CYP7B1: variants seen among roughly 807,000 people sequenced by gnomAD.
CYP7B1 encodes the protein cytochrome P450 family 7 subfamily B member 1.
CYP7B1 carries 29 observed loss-of-function variants against 42.7 expected under a neutral mutation model. The observed-to-expected ratio is 0.68, with a 90% CI of 0.51 to 0.93. CYP7B1 has a LOEUF of 0.93. Among genes scored for constraint, CYP7B1 ranks in the 40% least tolerant of loss-of-function variants. CYP7B1 has a pLI of 0.00. For synonymous variants in CYP7B1, 235 were observed against 218.2 expected, an observed-to-expected ratio of 1.08 and a Z score of -0.68; for missense variants, 655 against 600.5, an observed-to-expected ratio of 1.09 and a Z score of -0.95.
intron 1 of CYP7B1, among the ~76,000 whole-genome samples, chr8:64,701,342 T>C (rs556242068): frequency 4.3e-4 from 66 of 152,218 alleles, no homozygotes; most frequent in African/African-American, 1.6e-3. Flanking sequence ...GGAACCACAC[T>C]GCCAGGTATA....
At chr8:64,694,927 T>C (rs1232307909) in intron 1 of CYP7B1, among the ~76,000 whole-genome samples, 1 of 152,232 alleles carries the variant, frequency 6.6e-6, no homozygotes, top group Non-Finnish European at 1.5e-5. Flanking sequence ...TTGCCCGTTC[T>C]GTCCTGACTT....
chr8:64,663,061 T>G (rs1461573815), intron 1 of CYP7B1, among the ~76,000 whole-genome samples: 2 of 152,244 alleles, frequency 1.3e-5, no homozygotes, highest in African/African-American at 4.8e-5. Context: ...TCTTGTTTAC[T>G]TAGCAAGCTT....
intron 1 of CYP7B1, among the ~76,000 whole-genome samples, chr8:64,634,206 T>C (rs538279887): frequency 6.6e-6 from 1 of 152,298 alleles, no homozygotes; most frequent in East Asian, 1.9e-4. Context: ...GTATTAATAA[T>C]AACATTTTGA....
rs1805052325 is a variant in CYP7B1, at chr8:64,592,544, C to T, written c.*4098G>A. Among the ~76,000 whole-genome samples, 1 of 152,134 alleles carries T rather than the reference C, an allele frequency of 6.6e-6. No homozygotes were observed. On this transcript the variant is annotated 3_prime_UTR_variant, in exon 6 of 6. Transcript: ENST00000310193. ...TGTCTAGCATCAATCATATCTAGAA[C>T]AGAGAAAATGCTCAATGAATGTTTG...
chr8:64,616,135 C>T lies in CYP7B1; in HGVS notation c.406G>A (p.Asp136Asn). 6.2e-7 allele frequency: 1 copy of T among 1,613,638 alleles called. No individual in the cohort carries two copies. The highest frequency in any genetic ancestry group is 8.5e-7 in the Non-Finnish European group (1 of 1,179,778). The change falls in exon 3 of 6, where the codon GAT (aspartate) becomes AAT (asparagine). Residue 136 changes from aspartate (D) to asparagine (N), a missense_variant. By Grantham distance (23) the Asp-to-Asn change is conservative. Coordinates refer to ENST00000310193, the MANE Select transcript of CYP7B1 (RefSeq NM_004820.5). ...SQLQKNHDMNDELHLCYQFLQ... is the reference protein window; with the variant it reads ...SQLQKNHDMNNELHLCYQFLQ... ...AATTGATAGCAGAGGTGAAGCTCAT[C>T]ATTCATGTCATGATTTTTTTGCAAC...
intron 1 of CYP7B1, among the ~76,000 whole-genome samples, chr8:64,771,636 C>T (rs540415743): frequency 3.3e-5 from 5 of 152,090 alleles, no homozygotes; most frequent in Non-Finnish European, 7.4e-5. Context: ...TCTTTTGATC[C>T]CTCCACCTAT....
chr8:64,771,854 A>G (rs1804239302), intron 1 of CYP7B1, among the ~76,000 whole-genome samples: 1 of 152,242 alleles, frequency 6.6e-6, no homozygotes, highest in Non-Finnish European at 1.5e-5. Context: ...ATGGACAGAG[A>G]AAAACATACA....
At chr8:64,727,239 C>G (rs1177400100) in intron 1 of CYP7B1, among the ~76,000 whole-genome samples, 1 of 152,154 alleles carries the variant, frequency 6.6e-6, no homozygotes, top group Non-Finnish European at 1.5e-5. Flanking sequence ...AATTCATTTT[C>G]CTTCATTTGA....
chr8:64,763,038 T>G (rs528586434), intron 1 of CYP7B1, among the ~76,000 whole-genome samples: 1 of 152,280 alleles, frequency 6.6e-6, no homozygotes, highest in South Asian at 2.1e-4. Flanking sequence ...ACTCTCCTGC[T>G]CCGTGTTTGT....
chr8:64,634,950 C>T (rs1287191168), intron 1 of CYP7B1, among the ~76,000 whole-genome samples: 1 of 152,170 alleles, frequency 6.6e-6, no homozygotes, highest in Non-Finnish European at 1.5e-5. Context: ...CCTTTGACAA[C>T]CTCAGCAGGG....
intron 1 of CYP7B1, among the ~76,000 whole-genome samples, chr8:64,627,262 T>C (rs1179731962): frequency 2.0e-5 from 3 of 152,124 alleles, no homozygotes; most frequent in Non-Finnish European, 2.9e-5. Context: ...ATGAGAAATA[T>C]AAGAAAACCA....
chr8:64,656,867 TA>T (rs1196400962), intron 1 of CYP7B1, among the ~76,000 whole-genome samples: 3 of 152,306 alleles, frequency 2.0e-5, no homozygotes, highest in South Asian at 2.1e-4. Context: ...TAAGTCACCA[TA>T]AACACATTAC....
chr8:64,730,751 GCACA>G (rs61050207), intron 1 of CYP7B1, among the ~76,000 whole-genome samples: 21 of 142,972 alleles, frequency 1.5e-4, no homozygotes, highest in South Asian at 4.6e-4. Flanking sequence ...AGGACTGTCT[GCACA>G]CACACACACA....
intron 1 of CYP7B1, among the ~76,000 whole-genome samples, chr8:64,766,968 A>G (rs1382902553): frequency 2.6e-5 from 4 of 152,160 alleles, no homozygotes; most frequent in Non-Finnish European, 5.9e-5. Flanking sequence ...GAGGGGTCCT[A>G]GGACAGGCAG....
chr8:64,749,052 T>A (rs78259801), intron 1 of CYP7B1, among the ~76,000 whole-genome samples: 25 of 152,022 alleles, frequency 1.6e-4, no homozygotes, highest in Non-Finnish European at 3.2e-4. Flanking sequence ...ATCATCACAT[T>A]TGGTTTTCTT....
chr8:64,751,860 T>C (rs1807730807), intron 1 of CYP7B1, among the ~76,000 whole-genome samples: 1 of 152,210 alleles, frequency 6.6e-6, no homozygotes. Context: ...GCATGGTTCC[T>C]AACCTCTCTG....
intron 1 of CYP7B1, among the ~76,000 whole-genome samples, chr8:64,674,174 A>C (rs1158914015): frequency 6.6e-6 from 1 of 152,134 alleles, no homozygotes; most frequent in Non-Finnish European, 1.5e-5. Context: ...CGGCACAAAG[A>C]AATTAATTAA....
chr8:64,689,515 T>G (rs1047027078), intron 1 of CYP7B1, among the ~76,000 whole-genome samples: 1 of 152,202 alleles, frequency 6.6e-6, no homozygotes, highest in African/African-American at 2.4e-5. Context: ...ATTGTTTTTA[T>G]AGGTTATATG....
chr8:64,683,280 T>C (rs1806567776), intron 1 of CYP7B1, among the ~76,000 whole-genome samples: 1 of 152,228 alleles, frequency 6.6e-6, no homozygotes, highest in South Asian at 2.1e-4. Flanking sequence ...TGAGATCCTG[T>C]CATTTGCAAC....
Sources: gnomAD v4.1 joint callset for allele counts (sites outside exome capture counted in the v4.1 genomes callset) on GRCh38, gnomAD v4.1.1 for gene constraint, MANE v1.5 for transcripts, NCBI Gene and HGNC (gene_info 2026-07-23, HGNC 2026-07-21) for gene names.